YWHAE: variants seen among roughly 807,000 people sequenced by gnomAD.
YWHAE encodes tyrosine 3-monooxygenase/tryptophan 5-monooxygenase activation protein epsilon, also known as 14-3-3 protein epsilon.
YWHAE carries 4 observed loss-of-function variants against 30.1 expected under a neutral mutation model. The observed-to-expected ratio is 0.13, with a 90% CI of 0.07 to 0.30. YWHAE has a LOEUF of 0.30. Ranked by LOEUF, YWHAE falls within the 10% of genes least tolerant of loss-of-function variation. The probability of loss-of-function intolerance (pLI) is 1.00; values close to 1 mark genes in which losing one functional copy is unlikely to be tolerated. For synonymous variants in YWHAE, 118 were observed against 111.8 expected (o/e 1.06, Z -0.35); for missense variants, 121 against 315.9 (o/e 0.38, Z 4.68).
At chr17:1,397,722 A>G (rs2073495946) in intron 1 of YWHAE, among the ~76,000 whole-genome samples, 1 of 152,150 alleles carries the variant, frequency 6.6e-6, no homozygotes. Context: ...AGAAACAAAA[A>G]AATACCGCAC....
intron 1 of YWHAE, among the ~76,000 whole-genome samples, chr17:1,375,790 A>G (rs1243022711): frequency 6.6e-6 from 1 of 152,232 alleles, no homozygotes; most frequent in African/African-American, 2.4e-5. Context: ...CAGTAGAGTC[A>G]CAAGTTTTTC....
chr17:1,357,419 A>AAAAT (rs2072768916), intron 4 of YWHAE, among the ~76,000 whole-genome samples: 1 of 150,144 alleles, frequency 6.7e-6, no homozygotes, highest in Non-Finnish European at 1.5e-5. Flanking sequence ...AAAAAAAAAA[A>AAAAT]AATACAAAAA....
At chr17:1,372,625 T>A (rs1022183379) in intron 1 of YWHAE, among the ~76,000 whole-genome samples, 1 of 152,162 alleles carries the variant, frequency 6.6e-6, no homozygotes, top group Non-Finnish European at 1.5e-5. Flanking sequence ...TTGTTATGTT[T>A]CAGGTAATAG....
intron 4 of YWHAE, among the ~76,000 whole-genome samples, chr17:1,360,182 GA>G (rs746185843): frequency 6.6e-6 from 1 of 151,902 alleles, no homozygotes; most frequent in Non-Finnish European, 1.5e-5. Context: ...GGTTGGTATC[GA>G]ACTCCTGATC....
At chr17:1,353,746 G>A (rs534220781) in intron 5 of YWHAE, among the ~76,000 whole-genome samples, 12 of 133,946 alleles carry the variant, frequency 9.0e-5, no homozygotes, top group South Asian at 2.4e-4. Context: ...CCTGGGTGTC[G>A]CAGCAAGACT....
intron 2 of YWHAE, chr17:1,364,643 T>C: frequency 1.7e-6 from 1 of 596,478 alleles, no homozygotes; most frequent in African/African-American, 1.9e-5. Flanking sequence ...CCATGGAAAA[T>C]ACCAAACCTG....
chr17:1,384,498 T>C (rs922921811), intron 1 of YWHAE, among the ~76,000 whole-genome samples: 9 of 147,698 alleles, frequency 6.1e-5, no homozygotes, highest in Non-Finnish European at 8.9e-5. Context: ...AAGACCATCC[T>C]GGCTAACACG....
intron 1 of YWHAE, among the ~76,000 whole-genome samples, chr17:1,389,951 C>T (rs1045382771): frequency 6.6e-6 from 1 of 152,130 alleles, no homozygotes; most frequent in African/African-American, 2.4e-5. Flanking sequence ...TCAAGCAAAC[C>T]TCCTGCCTCA....
At position 1,361,236 on chromosome 17, in the gene YWHAE, G is replaced by A. The variant is rs766345412; in HGVS notation, c.434C>T (p.Ala145Val). The A allele has an allele frequency of 1.2e-6, 2 of 1,613,128 alleles. No individual in the cohort carries two copies. Among genetic ancestry groups the A allele is most frequent in the Admixed American group, 1.7e-5 (1 of 59,886 alleles). ...TTTATAAGCCACTAGGCTGTTCTCC[G>A]CAGCCTCCTTCCTGTCGTTTCCTGT... ...FATGNDRKEA[A>V]ENSLVAYKAA... The change falls in exon 4 of 6, where the codon GCG (alanine) becomes GTG (valine). Residue 145 changes from alanine to valine, a missense_variant. This residue lies in a region of YWHAE where 99 missense variants were observed against 289.3 expected (regional missense o/e 0.34). Coordinates refer to ENST00000264335, the MANE Select transcript of YWHAE (RefSeq NM_006761.5).
chr17:1,373,781 T>C (rs1377445528), intron 1 of YWHAE, among the ~76,000 whole-genome samples: 1 of 151,988 alleles, frequency 6.6e-6, no homozygotes, highest in Non-Finnish European at 1.5e-5. Flanking sequence ...TCAAAGCGGG[T>C]TCCAGAAACC....
chr17:1,378,916 T>C (rs1025056715), intron 1 of YWHAE, among the ~76,000 whole-genome samples: 1 of 151,474 alleles, frequency 6.6e-6, no homozygotes, highest in Non-Finnish European at 1.5e-5. Context: ...TGCCATTGCA[T>C]TCCAGCCTGG....
chr17:1,377,843 G>A (rs574026768), intron 1 of YWHAE, among the ~76,000 whole-genome samples: 8 of 152,334 alleles, frequency 5.3e-5, no homozygotes, highest in African/African-American at 1.7e-4. Context: ...GAGGTCAGGA[G>A]TTCGAGACCA....
intron 1 of YWHAE, among the ~76,000 whole-genome samples, chr17:1,370,119 CTTTTTT>C (rs538497835): frequency 2.4e-4 from 18 of 76,348 alleles, no homozygotes; most frequent in Admixed American, 9.4e-4. Context: ...CACAGAAAAA[CTTTTTT>C]TTTTTTTTTT....
intron 1 of YWHAE, among the ~76,000 whole-genome samples, chr17:1,383,914 A>G (rs2073257701): frequency 6.6e-6 from 1 of 151,986 alleles, no homozygotes; most frequent in South Asian, 2.1e-4. Context: ...TTAAAAAATT[A>G]GCCGAAGAGG....
chr17:1,358,839 A>AG (rs1385432754), intron 4 of YWHAE, among the ~76,000 whole-genome samples: 6 of 150,210 alleles, frequency 4.0e-5, no homozygotes, highest in Non-Finnish European at 7.4e-5. Context: ...TAAAAAAAAA[A>AG]AAAAAAAAGG....
At chr17:1,365,132 T>C (rs553277103) in intron 1 of YWHAE, 74 bp from the exon 2 acceptor site, 7 of 1,478,742 alleles carry the variant, frequency 4.7e-6, no homozygotes, top group African/African-American at 4.3e-5. Flanking sequence ...AAGTAGTTTT[T>C]TTCTGTCAAG....
At chr17:1,391,232 G>C (rs941275583) in intron 1 of YWHAE, among the ~76,000 whole-genome samples, 8 of 152,146 alleles carry the variant, frequency 5.3e-5, no homozygotes, top group African/African-American at 1.9e-4. Flanking sequence ...GAGGGAGCTA[G>C]GAGGAGGAAA....
intron 1 of YWHAE, among the ~76,000 whole-genome samples, chr17:1,368,274 G>A (rs919786441): frequency 1.3e-5 from 2 of 152,092 alleles, no homozygotes; most frequent in Non-Finnish European, 2.9e-5. Flanking sequence ...GCTACTCGAG[G>A]CTGAGGCGAG....
rs918153341 is a variant in YWHAE, at chr17:1,377,974, G to A, written c.65-12916C>T. 1.2e-3 allele frequency among the ~76,000 whole-genome samples: 185 copies of A among 152,048 alleles called. 1 individual carries two copies. The highest frequency in any genetic ancestry group is 3.4e-3 in the Middle Eastern group (1 of 294). On this transcript the variant is annotated intron_variant, in intron 1 of 5. Coordinates refer to ENST00000264335, the MANE Select transcript of YWHAE (RefSeq NM_006761.5). ...TGAGGCAGGAGAATTGCTTGAACCCGAGAGGCGGAGGTTGCAGTGAGCCAA... is the reference window on the plus strand; with the variant it reads ...TGAGGCAGGAGAATTGCTTGAACCCAAGAGGCGGAGGTTGCAGTGAGCCAA...
Sources: gnomAD v4.1 joint callset for allele counts (sites outside exome capture counted in the v4.1 genomes callset) on GRCh38, gnomAD v4.1.1 for gene constraint, gnomAD v4.1.1 regional missense constraint, MANE v1.5 for transcripts, NCBI Gene and HGNC (gene_info 2026-07-23, HGNC 2026-07-21) for gene names.